DENND1B: variants seen among roughly 807,000 people sequenced by gnomAD.
The protein encoded by DENND1B is DENN domain-containing protein 1B.
Under a neutral mutation model 90.1 loss-of-function variants are expected in DENND1B, and 59 were observed. That is an observed-to-expected ratio of 0.65 (90% CI 0.53 to 0.81). The LOEUF (loss-of-function observed/expected upper bound fraction) is 0.81, where lower values mean the gene tolerates loss of function less well. Ranked by LOEUF, DENND1B falls within the 40% of genes least tolerant of loss-of-function variation. DENND1B has a pLI of 0.00. For missense variants in DENND1B, 862 were observed against 912.6 expected (o/e 0.94, Z 0.71); for synonymous variants, 337 against 324.6 (o/e 1.04, Z -0.41).
At chr1:197,667,466 T>C (rs1180735877) in intron 5 of DENND1B, among the ~76,000 whole-genome samples, 1 of 152,170 alleles carries the variant, frequency 6.6e-6, no homozygotes, top group African/African-American at 2.4e-5. Flanking sequence ...AGAGTCTCTC[T>C]GTTGCCAGGC....
At chr1:197,582,817 T>C (rs1301945982) in intron 15 of DENND1B, among the ~76,000 whole-genome samples, 1 of 152,130 alleles carries the variant, frequency 6.6e-6, no homozygotes, top group Non-Finnish European at 1.5e-5. Flanking sequence ...TTTGTTAGTT[T>C]ACCGTATCAA....
intron 15 of DENND1B, among the ~76,000 whole-genome samples, chr1:197,566,551 ACTC>A (rs373255162): frequency 1.3e-5 from 2 of 151,720 alleles, no homozygotes; most frequent in Non-Finnish European, 2.9e-5. Flanking sequence ...ATTTTCATAA[ACTC>A]CTCATCTACT....
At chr1:197,531,390 T>TAAAAGAA (rs1571763204) in intron 20 of DENND1B, among the ~76,000 whole-genome samples, 2,091 of 11,224 alleles carry the variant, frequency 0.19, 885 homozygotes, top group East Asian at 0.6. Flanking sequence ...ACAAATCTTT[T>TAAAAGAA]TTTTTTTTTT....
intron 3 of DENND1B, among the ~76,000 whole-genome samples, chr1:197,713,923 A>ACAT (rs1660343985): frequency 4.2e-5 from 1 of 23,924 alleles, no homozygotes; most frequent in Non-Finnish European, 1.1e-4. Context: ...ATATGCATAT[A>ACAT]ATATATACAT....
chr1:197,732,832 C>T (rs1202552697), intron 2 of DENND1B, among the ~76,000 whole-genome samples: 1 of 152,142 alleles, frequency 6.6e-6, no homozygotes, highest in Admixed American at 6.5e-5. Context: ...TTGGTATTGA[C>T]AATGCCAATA....
intron 13 of DENND1B, among the ~76,000 whole-genome samples, chr1:197,596,360 T>C (rs1288380941): frequency 6.6e-6 from 1 of 151,956 alleles, no homozygotes; most frequent in Non-Finnish European, 1.5e-5. Context: ...CTGTACCAAT[T>C]CCTTTCACAC....
intron 2 of DENND1B, chr1:197,747,019 T>A: frequency 2.3e-6 from 2 of 859,976 alleles, no homozygotes; most frequent in East Asian, 4.8e-5. Flanking sequence ...ATTTTTCCTT[T>A]TAACATGGCG....
upstream of DENND1B, among the ~76,000 whole-genome samples, chr1:197,776,355 A>G (rs1176752109): frequency 2.0e-5 from 3 of 152,154 alleles, no homozygotes; most frequent in Admixed American, 6.5e-5. Flanking sequence ...CTTCTACCTC[A>G]TATTGCCTGT....
chr1:197,609,639 G>T (rs1188378661), intron 12 of DENND1B, among the ~76,000 whole-genome samples: 1 of 149,946 alleles, frequency 6.7e-6, no homozygotes, highest in African/African-American at 2.4e-5. Context: ...TCATGACTTT[G>T]AACAACTACA....
intron 11 of DENND1B, among the ~76,000 whole-genome samples, chr1:197,614,031 C>CATT (rs1553304863): frequency 7.3e-6 from 1 of 137,086 alleles, no homozygotes; most frequent in African/African-American, 2.6e-5. Context: ...TCTAGGAAAA[C>CATT]TTTTTTTTTT....
At chr1:197,747,654 G>A (rs1427912654) in intron 2 of DENND1B, among the ~76,000 whole-genome samples, 1 of 152,170 alleles carries the variant, frequency 6.6e-6, no homozygotes, top group African/African-American at 2.4e-5. Context: ...TACCTAAAAA[G>A]CACAACAAAG....
chr1:197,556,880 G>A (rs567859292), intron 15 of DENND1B, among the ~76,000 whole-genome samples: 1 of 152,000 alleles, frequency 6.6e-6, no homozygotes, highest in African/African-American at 2.4e-5. Flanking sequence ...CTTCCCAAGG[G>A]AAGGATCACT....
chr1:197,728,391 T>C (rs1317997468), intron 2 of DENND1B, among the ~76,000 whole-genome samples: 1 of 152,224 alleles, frequency 6.6e-6, no homozygotes, highest in Non-Finnish European at 1.5e-5. Flanking sequence ...TTTTTGTAGA[T>C]ATTCATAAGC....
chr1:197,595,063 T>C (rs1455964595), intron 14 of DENND1B, 145 bp downstream of exon 14: 12 of 1,152,136 alleles, frequency 1.0e-5, no homozygotes, highest in Non-Finnish European at 1.4e-5. Flanking sequence ...GAAATGTATG[T>C]TTTGAAACAC....
rs548169271 is a variant in DENND1B at position 197,717,593 on chromosome 1, A to T, written c.83-2519T>A. 4.6e-5 allele frequency among the ~76,000 whole-genome samples: 7 copies of T among 152,162 alleles called. 1 individual carries two copies. The South Asian group carries it at 1.5e-3, about 32-fold the overall frequency. ...TGTTACAGCATAGTAAGAAAAAAAT[A>T]CAAATTTTTATTAAATCAGTAACTT... On this transcript the variant is annotated intron_variant, in intron 2 of 22. Transcript: ENST00000620048.
chr1:197,738,528 C>T (rs1368954507), intron 2 of DENND1B, among the ~76,000 whole-genome samples: 1 of 152,186 alleles, frequency 6.6e-6, no homozygotes, highest in African/African-American at 2.4e-5. Flanking sequence ...TGAAACACAA[C>T]ATGGAAGATG....
intron 20 of DENND1B, among the ~76,000 whole-genome samples, chr1:197,527,132 A>G (rs1360110070): frequency 6.6e-6 from 1 of 152,198 alleles, no homozygotes; most frequent in Admixed American, 6.5e-5. Context: ...TCAAAAGATC[A>G]ATTTATAAAT....
intron 7 of DENND1B, 66 bp from the exon 8 acceptor site, chr1:197,647,180 G>T: frequency 8.5e-7 from 1 of 1,171,776 alleles, no homozygotes; most frequent in Non-Finnish European, 1.1e-6. Context: ...ACAACAATTT[G>T]CTGTGTAATT....
At chr1:197,688,194 C>A (rs1057190081) in intron 3 of DENND1B, among the ~76,000 whole-genome samples, 1 of 151,988 alleles carries the variant, frequency 6.6e-6, no homozygotes, top group Non-Finnish European at 1.5e-5. Context: ...AAAAAGACAT[C>A]CCATGTTCAT....
Sources: gnomAD v4.1 joint callset for allele counts (sites outside exome capture counted in the v4.1 genomes callset) on GRCh38, gnomAD v4.1.1 for gene constraint, MANE v1.5 for transcripts, NCBI Gene and HGNC (gene_info 2026-07-23, HGNC 2026-07-21) for gene names.